The following UCK1 variants were observed in gnomAD, a reference collection of about 807,000 sequenced individuals.
The protein encoded by UCK1 is uridine-cytidine kinase 1, also known as cytidine monophosphokinase 1.
Under a neutral mutation model 34.0 loss-of-function variants are expected in UCK1, and 20 were observed. The observed-to-expected ratio is 0.59, with a 90% CI of 0.41 to 0.86. UCK1 has a LOEUF of 0.86. Among genes scored for constraint, UCK1 ranks in the 40% least tolerant of loss-of-function variants. The pLI, the probability that UCK1 is intolerant of heterozygous loss-of-function variation, is 0.00. For missense variants in UCK1, 343 were observed against 383.6 expected, an observed-to-expected ratio of 0.89 and a Z score of 0.88; for synonymous variants, 168 against 155.9, an observed-to-expected ratio of 1.08 and a Z score of -0.58.
chr9:131,527,805 A>G (rs1424325554), intron 5 of UCK1, among the ~76,000 whole-genome samples: 1 of 152,136 alleles, frequency 6.6e-6, no homozygotes, highest in Non-Finnish European at 1.5e-5. Context: ...TGAGCTTAGG[A>G]GGTCAAGACT....
rs1359515792 is a variant in UCK1, at chr9:131,526,127, T to G, written c.604-150A>C. 6.7e-6 allele frequency: 6 copies of G among 899,718 alleles called. No individual in the cohort carries two copies. The African/African-American group carries it at 9.8e-5, about 15-fold the overall frequency. The allele number at this position is 899,718 out of a possible 1,614,324, so 55.7% of individuals were successfully genotyped here. On this transcript the variant is annotated intron_variant, in intron 5 of 6. Transcript: ENST00000372215. The stretch of plus-strand genomic sequence containing the variant: ...CGGCAAATGGGGGACACAGACTCAG[T>G]CATCAGCCAGGTGTGAGAGGCCATG...
At position 131,528,978 on chromosome 9, in the gene UCK1, A is replaced by G. The variant is rs961362397; in HGVS notation, c.569T>C (p.Phe190Ser). 6.2e-7 allele frequency: 1 copy of G among 1,614,038 alleles called. No homozygotes were observed. Among genetic ancestry groups the G allele is most frequent in the African/African-American group, 1.3e-5 (1 of 74,930 alleles). The change falls in exon 5 of 7, where the codon TTC becomes TCC. Residue 190 changes from phenylalanine to serine, a missense_variant. Transcript: ENST00000372215. Reference protein sequence around the residue: ...LEQILTQYTTFVKPAFEEFCL... With the variant: ...LEQILTQYTTSVKPAFEEFCL... ...GAACTCCTCGAAGGCCGGCTTCACGAAGGTGGTGTACTGCGTCAGAATCTG... is the reference window on the plus strand; with the variant it reads ...GAACTCCTCGAAGGCCGGCTTCACGGAGGTGGTGTACTGCGTCAGAATCTG...
chr9:131,527,595 G>A (rs1950657126), intron 5 of UCK1, among the ~76,000 whole-genome samples: 1 of 152,074 alleles, frequency 6.6e-6, no homozygotes. Context: ...GCAGCCAATA[G>A]GCCAGGCATA....
intron 3 of UCK1, 66 bp downstream of exon 3, chr9:131,529,422 G>A (rs573553098): frequency 6.2e-7 from 1 of 1,608,292 alleles, no homozygotes; most frequent in East Asian, 2.2e-5. Flanking sequence ...AGGCAGGTCT[G>A]TGTGAGCCCG....
At position 131,525,275 on chromosome 9, in the gene UCK1, A is replaced by G. The variant is rs1231845481; in HGVS notation, c.653-54T>C. 5.6e-6 allele frequency: 9 copies of G among 1,608,068 alleles called. No individual in the cohort carries two copies. In the East Asian group the frequency reaches 2.0e-4, roughly 36 times the overall value. On this transcript the variant is annotated intron_variant, in intron 6 of 6. Transcript: ENST00000372215. ...TTAGCCGCATCCATCCTCCGTGGAG[A>G]CCGCCCCTCCCCGCAGCACTCGGCC...
rs1403125477 is a variant in UCK1, at chr9:131,528,934, G to C, written c.603+10C>G. The C allele has an allele frequency of 1.2e-6, 2 of 1,613,774 alleles. No individual in the cohort carries two copies. Among genetic ancestry groups the C allele is most frequent in the Admixed American group, 3.3e-5 (2 of 59,988 alleles). On this transcript the variant is annotated intron_variant, in intron 5 of 6. Coordinates refer to ENST00000372215, the MANE Select transcript of UCK1 (RefSeq NM_031432.5). The stretch of plus-strand genomic sequence containing the variant: ...GGGAAAATGGGCTCTGAAGCAGCGA[G>C]CACAGGTACCGGCAGGCAGAACTCC...
At position 131,529,009 on chromosome 9, in the gene UCK1, G is replaced by A. The variant is rs751389687; in HGVS notation, c.538C>T (p.Leu180=). Residue 180 remains leucine, a synonymous_variant, in exon 5 of 7, where the codon CTG becomes TTG. Coordinates refer to ENST00000372215, the MANE Select transcript of UCK1 (RefSeq NM_031432.5). ...GTGTACTGCGTCAGAATCTGCTCCA[G>A]GTCCCTCCCTCGGCGCACGTCCCGG... is the stretch of plus-strand genomic sequence containing the variant. ...VLRDVRRGRD[L]EQILTQYTTF... The A allele has an allele frequency of 6.2e-7, 1 of 1,614,104 alleles. No homozygotes were observed. The highest frequency in any genetic ancestry group is 1.3e-5 in the African/African-American group (1 of 75,038).
At chr9:131,530,959 C>T in intron 1 of UCK1, 108 bp downstream of exon 1, 1 of 1,059,732 alleles carries the variant, frequency 9.4e-7, no homozygotes, top group Non-Finnish European at 1.2e-6. Flanking sequence ...CCGCGCCCTG[C>T]CCCTGCCTGG....
chr9:131,529,173 G>A lies in UCK1; in HGVS notation c.463C>T (p.Arg155Cys), dbSNP rs968287377. The change falls in exon 4 of 7, where the codon CGC becomes TGC. Residue 155 changes from arginine (R) to cysteine (C), a missense_variant. Coordinates refer to ENST00000372215, the MANE Select transcript of UCK1 (RefSeq NM_031432.5). ...TCGGAGTCGGTGTCCACGAAGAGGC[G>A]CAGGTGGAACATGTCCCGGATCTCC... is the stretch of plus-strand genomic sequence containing the variant. ...SQEIRDMFHL[R>C]LFVDTDSDVR... 4 of 1,614,048 alleles carry A rather than the reference G, an allele frequency of 2.5e-6. No homozygotes were observed. The highest frequency in any genetic ancestry group is 1.7e-5 in the Admixed American group (1 of 60,024).
intron 3 of UCK1, 54 bp downstream of exon 3, chr9:131,529,434 G>A (rs999704539): frequency 5.0e-6 from 8 of 1,610,724 alleles, no homozygotes; most frequent in Admixed American, 1.7e-5. Flanking sequence ...GTGAGCCCGA[G>A]GGGACGTCCT....
chr9:131,525,436 T>TA (rs1157492037), intron 6 of UCK1, among the ~76,000 whole-genome samples: 1 of 152,222 alleles, frequency 6.6e-6, no homozygotes. Flanking sequence ...GAATTTATGT[T>TA]AGAGTCTGCT....
intron 6 of UCK1, 50 bp from the exon 7 acceptor site, chr9:131,525,271 G>A: frequency 6.2e-7 from 1 of 1,609,710 alleles, no homozygotes; most frequent in Non-Finnish European, 8.5e-7. Flanking sequence ...CATCCTCCGT[G>A]GAGACCGCCC....
Position 131,531,211 on chromosome 9 carries a change from CG to C in UCK1, c.-38del. On this transcript the variant is annotated 5_prime_UTR_variant, in exon 1 of 7. Coordinates refer to ENST00000372215, the MANE Select transcript of UCK1 (RefSeq NM_031432.5). ...CTCCCGCGCATCGGGTCCCCGCGCC[CG>C]CCCCTTCCCCAGGCCCGGCGCGCCC... is the stretch of plus-strand genomic sequence containing the variant. The C allele has an allele frequency of 1.5e-6, 2 of 1,355,380 alleles. No homozygotes were observed. Among genetic ancestry groups the C allele is most frequent in the Admixed American group, 3.6e-5 (1 of 27,566 alleles). 84.0% of individuals were successfully genotyped at this position (1,355,380 alleles called of 1,614,324 possible).
At chr9:131,527,836 C>CACT (rs1950666983) in intron 5 of UCK1, among the ~76,000 whole-genome samples, 1 of 151,816 alleles carries the variant, frequency 6.6e-6, no homozygotes, top group African/African-American at 2.4e-5. Flanking sequence ...GTGATTGCAC[C>CACT]ACTGTACTCC....
rs200267619 is a variant in UCK1 at position 131,525,031 on chromosome 9, G to A, written c.*9C>T. ...GGGCGGGAGACCTGCCCTGAGGCTCGGCAGCCCCTCAGTGGGGTCTGCTGC... is the reference window on the plus strand; with the variant it reads ...GGGCGGGAGACCTGCCCTGAGGCTCAGCAGCCCCTCAGTGGGGTCTGCTGC... On this transcript the variant is annotated 3_prime_UTR_variant, in exon 7 of 7. Coordinates refer to ENST00000372215, the MANE Select transcript of UCK1 (RefSeq NM_031432.5). 410 of 1,594,914 alleles carry A rather than the reference G, an allele frequency of 2.6e-4. 3 individuals carry two copies. The East Asian group carries it at 8.6e-3, about 34-fold the overall frequency.
chr9:131,525,770 G>C (rs906664906), intron 6 of UCK1, among the ~76,000 whole-genome samples, 159 bp downstream of exon 6: 1 of 152,178 alleles, frequency 6.6e-6, no homozygotes, highest in African/African-American at 2.4e-5. Context: ...ACCGCGCCCA[G>C]CTACATACAT....
At position 131,530,642 on chromosome 9, in the gene UCK1, T is replaced by C. The variant is rs1488566183; in HGVS notation, c.112A>G (p.Thr38Ala). 6.2e-7 allele frequency: 1 copy of C among 1,614,100 alleles called. No individual in the cohort carries two copies. The highest frequency in any genetic ancestry group is 8.5e-7 in the Non-Finnish European group (1 of 1,180,048). ...AACTCCATGATCTTCTCACACACGG[T>C]CGACTGGAGACACAGAAGCGGGATT... ...VSGGTASGKS[T>A]VCEKIMELLG... is the part of the protein sequence containing the mutation. Residue 38 changes from threonine to alanine, a missense_variant, in exon 2 of 7, where the codon ACC (threonine) becomes GCC (alanine). By Grantham distance (58) the Thr-to-Ala change is moderately conservative (BLOSUM62 0). Transcript: ENST00000372215.
At position 131,524,727 on chromosome 9, in the gene UCK1, A is replaced by G; in HGVS notation, c.*313T>C. The G allele has an allele frequency of 6.9e-6, 2 of 289,546 alleles. No homozygotes were observed. Among genetic ancestry groups the G allele is most frequent in the South Asian group, 1.3e-4 (2 of 15,738 alleles). The allele number at this position is 289,546 out of a possible 1,614,324, so 17.9% of individuals were successfully genotyped here. ...AGGCTGTCTCCTCAATTTCCCCAAT[A>G]ATGTGCCTCACATTCCTCACAGAAG... On this transcript the variant is annotated 3_prime_UTR_variant, in exon 7 of 7. Coordinates refer to ENST00000372215, the MANE Select transcript of UCK1 (RefSeq NM_031432.5).
rs1199444785 is a variant in UCK1, at chr9:131,530,613, C to T, written c.141G>A (p.Leu47=). ...STVCEKIMEL[L]GQNEVEQRQR... ...GCCGCTGTTCCACCTCGTTCTGTCCCAGCAACTCCATGATCTTCTCACACA... is the reference window on the plus strand; with the variant it reads ...GCCGCTGTTCCACCTCGTTCTGTCCTAGCAACTCCATGATCTTCTCACACA... The change falls in exon 2 of 7, where the codon CTG becomes CTA. Residue 47 remains leucine (L), a synonymous_variant. Transcript: ENST00000372215. The T allele has an allele frequency of 1.2e-6, 2 of 1,614,124 alleles. No individual in the cohort carries two copies. Among genetic ancestry groups the T allele is most frequent in the East Asian group, 2.2e-5 (1 of 44,886 alleles).
Sources: allele counts gnomAD v4.1 joint callset (sites outside exome capture counted in the v4.1 genomes callset), GRCh38; gene constraint gnomAD v4.1.1; transcripts MANE v1.5; gene names NCBI Gene and HGNC (gene_info 2026-07-23, HGNC 2026-07-21).